STK3: variants seen among roughly 807,000 people sequenced by gnomAD.
STK3 encodes serine/threonine-protein kinase 3.
A neutral mutation model predicts 58.0 loss-of-function variants in STK3; 41 were observed. The observed-to-expected ratio is 0.71, with a 90% confidence interval of 0.55 to 0.92. The LOEUF is 0.92. STK3 is among the 40% of genes least tolerant of loss of function. The pLI, the probability that STK3 is intolerant of heterozygous loss-of-function variation, is 0.00. For missense variants in STK3, 479 were observed against 602.7 expected, an observed-to-expected ratio of 0.79 and a Z score of 2.15; for synonymous variants, 170 against 191.0, an observed-to-expected ratio of 0.89 and a Z score of 0.91.
At chr8:98,398,784 A>ATATTCCCT (rs1323376041), downstream of STK3, among the ~76,000 whole-genome samples, 2 of 152,344 alleles carry the variant, frequency 1.3e-5, no homozygotes, top group African/African-American at 4.8e-5. Context: ...GAAGATGGTA[A>ATATTCCCT]TATTCCCTGT....
Position 98,742,555 on chromosome 8 carries a change from T to A in STK3, c.351+6721A>T, listed in dbSNP as rs1272605581. 1.6e-4 allele frequency among the ~76,000 whole-genome samples: 20 copies of A among 122,984 alleles called. 5 individuals are homozygous for A. The highest frequency in any genetic ancestry group is 8.3e-4 in the Admixed American group (9 of 10,804). The allele number at this position is 122,984 out of a possible 152,430, so 80.7% of individuals were successfully genotyped here. A position where few individuals can be genotyped will look rare whatever the true frequency, so the allele number is the denominator to read the frequency against. On this transcript the variant is annotated intron_variant, in intron 4 of 10. Coordinates refer to ENST00000419617, the MANE Select transcript of STK3 (RefSeq NM_006281.4). ...AACGCTTCATGCTAAAAACTCTCAA[T>A]AAATTATGTATCGATGGGACATATC...
chr8:98,728,629 A>G (rs573784865), intron 4 of STK3, among the ~76,000 whole-genome samples: 1 of 152,338 alleles, frequency 6.6e-6, no homozygotes, highest in East Asian at 1.9e-4. Context: ...TTCCTGAAAA[A>G]GAGATCAGAA....
Position 98,596,387 on chromosome 8 carries a change from G to A in STK3, c.685-218C>T, listed in dbSNP as rs1007253796. 1.8e-5 allele frequency: 8 copies of A among 445,090 alleles called. No individual in the cohort carries two copies. The Admixed American group carries it at 2.5e-4, about 14-fold the overall frequency. 27.6% of individuals were successfully genotyped at this position (445,090 alleles called of 1,614,324 possible). On this transcript the variant is annotated intron_variant, in intron 6 of 10. Coordinates refer to ENST00000419617, the MANE Select transcript of STK3 (RefSeq NM_006281.4). The stretch of plus-strand genomic sequence containing the variant: ...TCCTCTATTTGAATTGTAGCTCATT[G>A]AGCACATCATTCTTTATTTTACCTA...
intron 10 of STK3, among the ~76,000 whole-genome samples, chr8:98,488,794 T>C (rs1368315622): frequency 1.3e-5 from 2 of 152,242 alleles, no homozygotes; most frequent in South Asian, 2.1e-4. Flanking sequence ...ATATCTATTC[T>C]ACCTTTCTTC....
At chr8:98,359,169 C>T in the STK3 span, among the ~76,000 whole-genome samples, 1 of 151,804 alleles carries the variant, frequency 6.6e-6, no homozygotes, top group Non-Finnish European at 1.5e-5. Context: ...ATCTTGACTT[C>T]AGAGAGCTCC....
chr8:98,649,308 C>T (rs1434699608), intron 6 of STK3, among the ~76,000 whole-genome samples: 1 of 152,032 alleles, frequency 6.6e-6, no homozygotes, highest in Admixed American at 6.6e-5. Context: ...ATTGAGTTTG[C>T]TGCCAATGAG....
At chr8:98,784,705 T>C (rs916165042) in intron 1 of STK3, among the ~76,000 whole-genome samples, 7 of 152,152 alleles carry the variant, frequency 4.6e-5, no homozygotes, top group South Asian at 2.1e-4. Context: ...TGTGTGTGCA[T>C]AGATTGTGGT....
At chr8:98,812,641 G>A (rs1834300535) in intron 1 of STK3, among the ~76,000 whole-genome samples, 1 of 152,196 alleles carries the variant, frequency 6.6e-6, no homozygotes, top group South Asian at 2.1e-4. Flanking sequence ...CAACCCAGAT[G>A]TCCATCAATG....
intron 3 of STK3, among the ~76,000 whole-genome samples, chr8:98,751,977 A>C (rs976379427): frequency 1.3e-5 from 2 of 151,598 alleles, no homozygotes; most frequent in African/African-American, 4.8e-5. Flanking sequence ...ATAATATATA[A>C]ACACACACAC....
At chr8:98,413,113 A>C in intron 3 of STK3, 1 of 274,052 alleles carries the variant, frequency 3.6e-6, no homozygotes, top group Non-Finnish European at 7.1e-6. Context: ...TCCTAGGTTC[A>C]AGTGATTCTC....
chr8:98,825,905 C>T (rs1835269795), upstream of STK3, among the ~76,000 whole-genome samples: 1 of 144,462 alleles, frequency 6.9e-6, no homozygotes, highest in Non-Finnish European at 1.5e-5. Flanking sequence ...GCGGCGGCGG[C>T]CCAGAGAAGG....
At chr8:98,591,681 T>A (rs956685463) in intron 7 of STK3, among the ~76,000 whole-genome samples, 2 of 152,206 alleles carry the variant, frequency 1.3e-5, no homozygotes, top group Non-Finnish European at 2.9e-5. Flanking sequence ...GATTTTGAGA[T>A]TAAGAATGTT....
intron 4 of STK3, chr8:98,722,868 T>C (rs1170362083): frequency 9.9e-6 from 5 of 505,024 alleles, no homozygotes; most frequent in Non-Finnish European, 1.6e-5. Context: ...CTGCTTCATA[T>C]AGAAGAAGGT....
chr8:98,427,241 G>T (rs1487091544), intron 3 of STK3: 2 of 151,218 alleles, frequency 1.3e-5, no homozygotes, highest in South Asian at 2.1e-4. Flanking sequence ...CGCACGCACC[G>T]CCAGCAGGCA....
intron 1 of STK3, among the ~76,000 whole-genome samples, chr8:98,795,129 T>TATATATATATACAC (rs1288218080): frequency 1.5e-4 from 14 of 95,942 alleles, no homozygotes; most frequent in African/African-American, 5.8e-4. Flanking sequence ...TATATATATA[T>TATATATATATACAC]ACATACTAGT....
At chr8:98,894,411 C>T (rs1033561859) in intron 1 of STK3, among the ~76,000 whole-genome samples, 5 of 152,210 alleles carry the variant, frequency 3.3e-5, no homozygotes, top group Admixed American at 6.5e-5. Flanking sequence ...CTCCTAGTCA[C>T]ATGTCAGAAA....
intron 3 of STK3, among the ~76,000 whole-genome samples, chr8:98,433,243 T>C (rs1209040703): frequency 6.6e-6 from 1 of 152,130 alleles, no homozygotes; most frequent in East Asian, 1.9e-4. Context: ...AGGATTTTCC[T>C]CCTGCATGCT....
At chr8:98,348,827 AC>A in the STK3 span, among the ~76,000 whole-genome samples, 218 of 152,362 alleles carry the variant, frequency 1.4e-3, no homozygotes, top group Middle Eastern at 3.4e-3. Context: ...TGGTACAGTC[AC>A]TTTGGAAGGT....
chr8:98,482,560 G>A (rs764377500), intron 10 of STK3, among the ~76,000 whole-genome samples: 8 of 152,166 alleles, frequency 5.3e-5, no homozygotes, highest in African/African-American at 7.2e-5. Flanking sequence ...AAGTTGTCTC[G>A]ACGTTTGCTC....
Sources: gnomAD v4.1 joint callset for allele counts (sites outside exome capture counted in the v4.1 genomes callset) on GRCh38, gnomAD v4.1.1 for gene constraint, MANE v1.5 for transcripts, NCBI Gene and HGNC (gene_info 2026-07-23, HGNC 2026-07-21) for gene names.